SP100: variants seen among roughly 807,000 people sequenced by gnomAD.
SP100 encodes nuclear autoantigen Sp-100.
A neutral mutation model predicts 130.0 loss-of-function variants in SP100; 84 were observed. The ratio of observed to expected loss-of-function variants is 0.65; its 90% CI spans 0.54 to 0.77. SP100 has a LOEUF of 0.77. Among genes scored for constraint, SP100 ranks in the 30% least tolerant of loss-of-function variants. The probability of loss-of-function intolerance (pLI) is 0.00; values close to 1 mark genes in which losing one functional copy is unlikely to be tolerated. For missense variants in SP100, 978 were observed against 1,052.2 expected, an observed-to-expected ratio of 0.93 and a Z score of 0.97; for synonymous variants, 331 against 351.7, an observed-to-expected ratio of 0.94 and a Z score of 0.66.
chr2:230,450,027 G>T, intron 7 of SP100, 145 bp from the exon 8 acceptor site: 1 of 638,050 alleles, frequency 1.6e-6, no homozygotes, highest in Non-Finnish European at 2.8e-6. Flanking sequence ...AATGAAGCAC[G>T]AACACCTTCA....
chr2:230,428,431 G>A (rs887286334), intron 2 of SP100, among the ~76,000 whole-genome samples: 1 of 151,582 alleles, frequency 6.6e-6, no homozygotes, highest in Non-Finnish European at 1.5e-5. Flanking sequence ...AGACTGAAGG[G>A]AGAAGTGCTA....
chr2:230,447,111 G>A (rs1298111742), intron 5 of SP100, among the ~76,000 whole-genome samples: 2 of 152,140 alleles, frequency 1.3e-5, no homozygotes, highest in African/African-American at 4.8e-5. Context: ...TCAGAACCAA[G>A]CGTGTCAGTA....
At chr2:230,477,062 T>C (rs2065588159) in intron 17 of SP100, among the ~76,000 whole-genome samples, 1 of 152,114 alleles carries the variant, frequency 6.6e-6, no homozygotes, top group Non-Finnish European at 1.5e-5. Flanking sequence ...AGTCGGTGTT[T>C]CACTGTGTTA....
chr2:230,474,469 C>T (rs540499862), intron 17 of SP100, 22 bp downstream of exon 17: 2 of 1,134,034 alleles, frequency 1.8e-6, no homozygotes, highest in African/African-American at 1.6e-5. Context: ...TAAGAATTTA[C>T]TTAATTTTTA....
chr2:230,471,331 A>AT (rs941206403), intron 15 of SP100, among the ~76,000 whole-genome samples: 2 of 152,130 alleles, frequency 1.3e-5, no homozygotes, highest in South Asian at 2.1e-4. Flanking sequence ...ATATAGGTGT[A>AT]TTTTTTTGTC....
chr2:230,462,135 T>C (rs2064687806), intron 9 of SP100, among the ~76,000 whole-genome samples: 1 of 151,326 alleles, frequency 6.6e-6, no homozygotes. Context: ...GCAGGGGAGA[T>C]GGCAGAACAA....
At chr2:230,451,035 G>A (rs1464471178) in intron 8 of SP100, among the ~76,000 whole-genome samples, 1 of 152,176 alleles carries the variant, frequency 6.6e-6, no homozygotes, top group Non-Finnish European at 1.5e-5. Context: ...GTTTATTGAA[G>A]TATTAAATGC....
At chr2:230,478,262 G>A (rs1328977771) in intron 17 of SP100, among the ~76,000 whole-genome samples, 1 of 152,128 alleles carries the variant, frequency 6.6e-6, no homozygotes, top group African/African-American at 2.4e-5. Flanking sequence ...AATTTTACAA[G>A]CATTTATAAG....
intron 2 of SP100, among the ~76,000 whole-genome samples, chr2:230,432,138 T>A (rs2063116885): frequency 1.3e-5 from 2 of 152,228 alleles, no homozygotes. Context: ...GGACCATATA[T>A]TATACGGTCT....
In SP100 at chr2:230,543,705, GTCAATA is replaced by G. The variant is rs1296342641; in HGVS notation, c.*763_*768del. 1 of 152,082 alleles carries G rather than the reference GTCAATA, an allele frequency of 6.6e-6. No homozygotes were observed. Among genetic ancestry groups the G allele is most frequent in the East Asian group, 1.9e-4 (1 of 5,198 alleles). 9.4% of individuals were successfully genotyped at this position (152,082 alleles called of 1,614,324 possible). A position where few individuals can be genotyped will look rare whatever the true frequency, so the allele number is the denominator to read the frequency against. On this transcript the variant is annotated 3_prime_UTR_variant, in exon 29 of 29. Coordinates refer to ENST00000340126, the MANE Select transcript of SP100 (RefSeq NM_001080391.2). ...CATCCCATGCTCCTGTGTAGAAACAGTCAATATCATTAAAATGACCATACTGCCCAA... is the reference window on the plus strand; with the variant it reads ...CATCCCATGCTCCTGTGTAGAAACAGTCATTAAAATGACCATACTGCCCAA...
chr2:230,524,312 C>T (rs1256778485), intron 24 of SP100, among the ~76,000 whole-genome samples: 12 of 140,626 alleles, frequency 8.5e-5, no homozygotes, highest in African/African-American at 3.2e-4. Flanking sequence ...GCAAAGATCG[C>T]ACCATTGCAC....
rs371967840 is a variant in SP100, at chr2:230,517,898, TA to T, written c.2094+6733del. Among the ~76,000 whole-genome samples the T allele has an allele frequency of 4.0e-4, 61 of 152,292 alleles. No individual in the cohort carries two copies. In the East Asian group the frequency reaches 0.011, roughly 28 times the overall value. The stretch of plus-strand genomic sequence containing the variant: ...ATAGGGGACCAAATTTTTTGTTTTT[TA>T]TTAGTTTATTTTTAATATCAAATCT... On this transcript the variant is annotated intron_variant, in intron 24 of 28. Coordinates refer to ENST00000340126, the MANE Select transcript of SP100 (RefSeq NM_001080391.2).
At chr2:230,479,596 G>C (rs2065737327) in intron 17 of SP100, among the ~76,000 whole-genome samples, 1 of 152,184 alleles carries the variant, frequency 6.6e-6, no homozygotes. Flanking sequence ...TTTTGGGTTA[G>C]GACGTACAAA....
chr2:230,505,394 C>T (rs1291013131), intron 21 of SP100, among the ~76,000 whole-genome samples: 1 of 152,136 alleles, frequency 6.6e-6, no homozygotes, highest in Non-Finnish European at 1.5e-5. Flanking sequence ...ATCTGTTTAG[C>T]CTTCTGCTAA....
intron 24 of SP100, among the ~76,000 whole-genome samples, chr2:230,527,537 C>A (rs560005092): frequency 6.6e-6 from 1 of 152,270 alleles, no homozygotes; most frequent in South Asian, 2.1e-4. Flanking sequence ...AAATAACCAG[C>A]TAACATCATA....
chr2:230,475,348 T>C (rs1217746422), intron 17 of SP100, among the ~76,000 whole-genome samples: 1 of 152,204 alleles, frequency 6.6e-6, no homozygotes, highest in East Asian at 1.9e-4. Context: ...TTTTGAGAAG[T>C]GTCTGTTCAT....
chr2:230,474,006 C>A (rs897706382), intron 16 of SP100, among the ~76,000 whole-genome samples: 2 of 152,080 alleles, frequency 1.3e-5, no homozygotes, highest in African/African-American at 2.4e-5. Context: ...AAATCAGATA[C>A]CTACTCTTAT....
chr2:230,468,513 A>T (rs2065074290), intron 13 of SP100, among the ~76,000 whole-genome samples: 1 of 152,142 alleles, frequency 6.6e-6, no homozygotes, highest in South Asian at 2.1e-4. Context: ...GGTTATTAAA[A>T]TATCTTTGAG....
intron 24 of SP100, among the ~76,000 whole-genome samples, chr2:230,530,583 T>A (rs142398008): frequency 0.013 from 1,937 of 152,138 alleles, 37 homozygotes; most frequent in African/African-American, 0.045. Flanking sequence ...GACAAATGGG[T>A]TCTAATTAAA....
Sources: gnomAD v4.1 joint callset for allele counts (sites outside exome capture counted in the v4.1 genomes callset) on GRCh38, gnomAD v4.1.1 for gene constraint, MANE v1.5 for transcripts, NCBI Gene and HGNC (gene_info 2026-07-23, HGNC 2026-07-21) for gene names.